Variants in VASH2 observed in about 807,000 individuals in gnomAD.
VASH2 encodes tubulinyl-Tyr carboxypeptidase 2.
VASH2 carries 28 observed loss-of-function variants against 37.2 expected under a neutral mutation model. The observed-to-expected ratio is 0.75, with a 90% CI of 0.56 to 1.03. The LOEUF (loss-of-function observed/expected upper bound fraction) is 1.03, where lower values mean the gene tolerates loss of function less well. Ranked by LOEUF, VASH2 falls within the 50% of genes least tolerant of loss-of-function variation. The pLI is 0.00. For missense variants in VASH2, 419 were observed against 459.1 expected (o/e 0.91, Z 0.80); for synonymous variants, 188 against 174.7 (o/e 1.08, Z -0.60).
chr1:212,956,327 G>T (rs952773630), intron 2 of VASH2, among the ~76,000 whole-genome samples: 1 of 151,676 alleles, frequency 6.6e-6, no homozygotes, highest in Non-Finnish European at 1.5e-5. Context: ...CCCTCCTCCT[G>T]CCCCCTAGCC....
intron 6 of VASH2, chr1:212,973,356 C>T (rs1389573064): frequency 5.3e-5 from 67 of 1,268,922 alleles, no homozygotes; most frequent in East Asian, 2.2e-4. Context: ...TATACTCATA[C>T]GTCCCTCTTC....
At chr1:212,964,288 C>G (rs377144586) in intron 3 of VASH2, among the ~76,000 whole-genome samples, 1 of 152,198 alleles carries the variant, frequency 6.6e-6, no homozygotes, top group Admixed American at 6.5e-5. Flanking sequence ...AGAGAGGAAT[C>G]CCAGCCCTTT....
chr1:212,959,173 C>G (rs1299854894), intron 2 of VASH2, among the ~76,000 whole-genome samples: 1 of 152,242 alleles, frequency 6.6e-6, no homozygotes, highest in African/African-American at 2.4e-5. Flanking sequence ...TCTCTCCCCA[C>G]TTTGTGAAAT....
At chr1:212,984,963 A>G (rs1475636402) in intron 7 of VASH2, among the ~76,000 whole-genome samples, 1 of 152,080 alleles carries the variant, frequency 6.6e-6, no homozygotes, top group Non-Finnish European at 1.5e-5. Flanking sequence ...CTTAGCACCC[A>G]CTGTTAGTGG....
In VASH2 at chr1:212,971,279, G is replaced by A. The variant is rs750915796; in HGVS notation, c.498-1301G>A. On this transcript the variant is annotated intron_variant, in intron 5 of 7. Coordinates refer to ENST00000517399, the MANE Select transcript of VASH2 (RefSeq NM_001301056.2). The surrounding 1 kb of genome is among the most constrained non-coding windows in gnomAD (Gnocchi z 4.0). ...CATGGGTGTACAAATACCTGCTGGG[G>A]TCGCTGCTTTCAATTCTTTTGGGTA... 1.3e-5 allele frequency among the ~76,000 whole-genome samples: 2 copies of A among 152,174 alleles called. No individual in the cohort carries two copies. The highest frequency in any genetic ancestry group is 2.9e-5 in the Non-Finnish European group (2 of 68,042).
At chr1:212,958,915 G>C (rs1361521449) in intron 2 of VASH2, among the ~76,000 whole-genome samples, 2 of 151,026 alleles carry the variant, frequency 1.3e-5, no homozygotes, top group Admixed American at 1.3e-4. Context: ...TTTTTTTAGT[G>C]ATGGGGTCTC....
chr1:212,987,937 T>G (rs559432843), intron 7 of VASH2, among the ~76,000 whole-genome samples: 1 of 152,364 alleles, frequency 6.6e-6, no homozygotes, highest in Admixed American at 6.5e-5. Context: ...ATGTTGGAAG[T>G]GACTTTAGCA....
At chr1:212,977,275 G>A (rs1210177125) in intron 7 of VASH2, among the ~76,000 whole-genome samples, 1 of 152,182 alleles carries the variant, frequency 6.6e-6, no homozygotes. Flanking sequence ...TTGCGGCTTT[G>A]AGCAAGCTGC....
At chr1:212,958,223 C>A in intron 2 of VASH2, among the ~76,000 whole-genome samples, 1 of 152,202 alleles carries the variant, frequency 6.6e-6, no homozygotes. Flanking sequence ...CAGGCTGAGC[C>A]CAGACAGCTC....
At chr1:212,963,928 G>GT (rs1363470611) in intron 3 of VASH2, among the ~76,000 whole-genome samples, 1 of 151,732 alleles carries the variant, frequency 6.6e-6, no homozygotes, top group Non-Finnish European at 1.5e-5. Context: ...TTTTGGTGAG[G>GT]TAAAGAAATC....
chr1:212,968,640 A>G, intron 5 of VASH2: 1 of 985,560 alleles, frequency 1.0e-6, no homozygotes, highest in Non-Finnish European at 1.2e-6. Context: ...GAGATGAAAC[A>G]TGTGCCTGGG....
intron 7 of VASH2, chr1:212,974,837 C>T (rs977250881): frequency 3.3e-5 from 5 of 152,240 alleles, no homozygotes; most frequent in Admixed American, 3.3e-4. Context: ...GGTTGAATCC[C>T]AACTGTGCCA....
At chr1:212,979,006 A>C (rs1667259770) in intron 7 of VASH2, among the ~76,000 whole-genome samples, 1 of 152,092 alleles carries the variant, frequency 6.6e-6, no homozygotes, top group South Asian at 2.1e-4. Context: ...GCTGGGGAAG[A>C]GATTGCAGGG....
At chr1:212,985,898 C>A (rs1667463040) in intron 7 of VASH2, among the ~76,000 whole-genome samples, 1 of 152,176 alleles carries the variant, frequency 6.6e-6, no homozygotes, top group African/African-American at 2.4e-5. Context: ...TGAGGCCATG[C>A]GTGGGTACAG....
chr1:212,969,863 T>C (rs990344866), intron 5 of VASH2, among the ~76,000 whole-genome samples: 1 of 152,234 alleles, frequency 6.6e-6, no homozygotes, highest in African/African-American at 2.4e-5. Flanking sequence ...CCTGTGTCCA[T>C]TGGCCTGTCC....
At chr1:212,963,204 C>T (rs1314983565) in intron 3 of VASH2, among the ~76,000 whole-genome samples, 1 of 152,166 alleles carries the variant, frequency 6.6e-6, no homozygotes, top group African/African-American at 2.4e-5. Flanking sequence ...GAAGGATCTG[C>T]TTTTCCATTT....
At chr1:212,958,083 G>A (rs908805087) in intron 2 of VASH2, among the ~76,000 whole-genome samples, 12 of 152,230 alleles carry the variant, frequency 7.9e-5, no homozygotes, top group African/African-American at 2.9e-4. Context: ...ACAGCTAGTA[G>A]GTGGCAGAGC....
rs532392774 is a variant in VASH2 at position 212,951,852 on chromosome 1, G to A, written c.276+34G>A. ...CTTCCAGGGCGGAGTTGGGGGGCTG[G>A]GGGTAGGTAGGCAGCGATGGGACCG... On this transcript the variant is annotated intron_variant, in intron 2 of 7. Transcript: ENST00000517399. This position sits in a 1 kb window ranked among gnomAD's most constrained non-coding sequence, Gnocchi z 4.4. 1.3e-6 allele frequency: 2 copies of A among 1,579,728 alleles called. No individual in the cohort carries two copies. The highest frequency in any genetic ancestry group is 4.5e-5 in the East Asian group (2 of 44,194).
chr1:212,983,598 G>C (rs1029609114), intron 7 of VASH2, among the ~76,000 whole-genome samples: 1 of 152,158 alleles, frequency 6.6e-6, no homozygotes, highest in Non-Finnish European at 1.5e-5. Flanking sequence ...TGAACTTTTG[G>C]GGACACATTT....
Sources: gnomAD v4.1 joint callset for allele counts (sites outside exome capture counted in the v4.1 genomes callset) on GRCh38, gnomAD v4.1.1 for gene constraint, Gnocchi (gnomAD v3.1) non-coding constraint, MANE v1.5 for transcripts, NCBI Gene and HGNC (gene_info 2026-07-23, HGNC 2026-07-21) for gene names.